The following NXPE1 variants were observed in gnomAD, a reference collection of about 807,000 sequenced individuals.
The protein encoded by NXPE1 is neurexophilin and PC-esterase domain family member 1.
A neutral mutation model predicts 33.3 loss-of-function variants in NXPE1; 31 were observed. That is an observed-to-expected ratio of 0.93 (90% confidence interval 0.70 to 1.26). The LOEUF is 1.26. Among genes scored for constraint, NXPE1 ranks in the 50% most tolerant of loss-of-function variants. The pLI is 0.00. For synonymous variants in NXPE1, 229 were observed against 231.4 expected (o/e 0.99, Z 0.09); for missense variants, 661 against 655.6 (o/e 1.01, Z -0.09).
chr11:114,519,887 T>TTTTG (rs1290515319), downstream of NXPE1, among the ~76,000 whole-genome samples: 6 of 151,884 alleles, frequency 4.0e-5, no homozygotes, highest in Non-Finnish European at 7.4e-5. Flanking sequence ...CACAATTACC[T>TTTTG]TTTGTTTGTT....
At chr11:114,524,138 G>A (rs1947297341) in intron 7 of NXPE1, among the ~76,000 whole-genome samples, 1 of 152,126 alleles carries the variant, frequency 6.6e-6, no homozygotes, top group Admixed American at 6.5e-5. Flanking sequence ...TAGTAGTAAG[G>A]GAAGAAATGG....
chr11:114,525,174 C>T (rs905798822), intron 7 of NXPE1, among the ~76,000 whole-genome samples: 1 of 151,820 alleles, frequency 6.6e-6, no homozygotes, highest in Non-Finnish European at 1.5e-5. Flanking sequence ...TTGTAAGTCC[C>T]TACTAAATGT....
At chr11:114,536,514 A>C (rs1193818809) in intron 5 of NXPE1, among the ~76,000 whole-genome samples, 4 of 152,168 alleles carry the variant, frequency 2.6e-5, no homozygotes, top group Non-Finnish European at 5.9e-5. Flanking sequence ...GAAAAGATCA[A>C]CAAAATTGAT....
intron 5 of NXPE1, among the ~76,000 whole-genome samples, chr11:114,544,712 CTGATAA>C (rs1230617066): frequency 1.3e-4 from 20 of 152,184 alleles, no homozygotes; most frequent in Admixed American, 1.3e-3. Context: ...GAAAGAAAAA[CTGATAA>C]GTTAGATTTT....
At chr11:114,531,154 T>A (rs1947565030) in intron 5 of NXPE1, among the ~76,000 whole-genome samples, 1 of 151,956 alleles carries the variant, frequency 6.6e-6, no homozygotes, top group Non-Finnish European at 1.5e-5. Context: ...ATTGTGATAA[T>A]TTTGTATAAA....
chr11:114,554,357 G>A lies in NXPE1; in HGVS notation c.-210-1477C>T, dbSNP rs906450694. On this transcript the variant is annotated intron_variant, in intron 1 of 8. Coordinates refer to ENST00000534921, the Ensembl canonical transcript of NXPE1. ...CCTCTTCCTACTTGTGTAAATGAGA[G>A]GGGGCAGCAGCCTAGCTTAGACCAC... is the stretch of plus-strand genomic sequence containing the variant. 31 of 985,200 alleles carry A rather than the reference G, an allele frequency of 3.1e-5. No individual in the cohort carries two copies. In the African/African-American group the frequency reaches 4.4e-4, roughly 14 times the overall value. 61.0% of individuals were successfully genotyped at this position (985,200 alleles called of 1,614,324 possible).
chr11:114,524,917 A>G (rs1220619051), intron 7 of NXPE1, among the ~76,000 whole-genome samples: 1 of 152,186 alleles, frequency 6.6e-6, no homozygotes, highest in East Asian at 1.9e-4. Context: ...ACTCCATTTT[A>G]GATGCTAATC....
At chr11:114,551,417 A>T in exon 4 of NXPE1, 1 of 1,320,956 alleles carries the variant, frequency 7.6e-7, no homozygotes, top group Non-Finnish European at 9.6e-7. Flanking sequence ...TTCACTCAGG[A>T]TTGTTGCTTC....
chr11:114,557,552 T>G (rs1462464619), intron 1 of NXPE1, among the ~76,000 whole-genome samples: 2 of 150,398 alleles, frequency 1.3e-5, no homozygotes, highest in Non-Finnish European at 3.0e-5. Context: ...TAGCCTCCCA[T>G]GTAGCTGGGA....
chr11:114,555,701 C>G (rs763544383), intron 1 of NXPE1, among the ~76,000 whole-genome samples: 1 of 152,092 alleles, frequency 6.6e-6, no homozygotes, highest in Non-Finnish European at 1.5e-5. Context: ...TTTCTGGCCC[C>G]GGATAATCAC....
chr11:114,530,186 G>C, exon 6 of NXPE1: 1 of 1,604,756 alleles, frequency 6.2e-7, no homozygotes, highest in South Asian at 1.1e-5. Context: ...TGTGGAAAAG[G>C]CTGTTTTCCT....
At chr11:114,520,684 G>C (rs1413372110), downstream of NXPE1, among the ~76,000 whole-genome samples, 1 of 152,184 alleles carries the variant, frequency 6.6e-6, no homozygotes, top group African/African-American at 2.4e-5. Context: ...CTGCCATACT[G>C]TTTTCCATAA....
chr11:114,555,609 A>G (rs981466801), intron 1 of NXPE1, among the ~76,000 whole-genome samples: 1 of 152,148 alleles, frequency 6.6e-6, no homozygotes, highest in Non-Finnish European at 1.5e-5. Flanking sequence ...AATAAGTAGA[A>G]TATTACCACC....
Position 114,529,054 on chromosome 11 carries a change from C to A in NXPE1, c.833+1121G>T, listed in dbSNP as rs1297308882. 3.1e-5 allele frequency: 12 copies of A among 392,206 alleles called. No homozygotes were observed. In the East Asian group the frequency reaches 4.3e-4, roughly 14 times the overall value. The allele number at this position is 392,206 out of a possible 1,614,324, so 24.3% of individuals were successfully genotyped here. ...GATTCTGGAATGCATGTTATTTTGT[C>A]ATGTTTGGTGCCTACTCTTAGCATA... is the stretch of plus-strand genomic sequence containing the variant. On this transcript the variant is annotated intron_variant, in intron 6 of 8. Coordinates refer to ENST00000534921, the Ensembl canonical transcript of NXPE1.
intron 5 of NXPE1, among the ~76,000 whole-genome samples, chr11:114,533,120 T>C (rs1162790464): frequency 1.3e-5 from 2 of 152,206 alleles, no homozygotes; most frequent in Non-Finnish European, 2.9e-5. Flanking sequence ...ATCCAAGGTA[T>C]GAGAATGATG....
downstream of NXPE1, among the ~76,000 whole-genome samples, chr11:114,518,998 A>G (rs756803221): frequency 1.3e-5 from 2 of 152,232 alleles, no homozygotes; most frequent in African/African-American, 4.8e-5. Flanking sequence ...TATTAATAAC[A>G]GGGACAAGAT....
chr11:114,558,536 G>A (rs2135147890), intron 1 of NXPE1, among the ~76,000 whole-genome samples: 1 of 152,250 alleles, frequency 6.6e-6, no homozygotes, highest in East Asian at 1.9e-4. Flanking sequence ...TATTACTAAT[G>A]GAAGTTGAGT....
chr11:114,520,809 T>C (rs576401859), downstream of NXPE1, among the ~76,000 whole-genome samples: 87 of 152,330 alleles, frequency 5.7e-4, no homozygotes, highest in Non-Finnish European at 1.0e-3. Flanking sequence ...GACTTCCAAA[T>C]TGAGCATCTT....
chr11:114,546,505 T>C (rs763056137), intron 5 of NXPE1, among the ~76,000 whole-genome samples: 6 of 151,748 alleles, frequency 4.0e-5, no homozygotes, highest in African/African-American at 4.8e-5. Flanking sequence ...TTTTGCTATG[T>C]TGACCAGACT....
Sources: allele counts gnomAD v4.1 joint callset (sites outside exome capture counted in the v4.1 genomes callset), GRCh38; gene constraint gnomAD v4.1.1; transcripts MANE v1.5; gene names NCBI Gene and HGNC (gene_info 2026-07-23, HGNC 2026-07-21).